Variants in FERRY3 observed in about 807,000 individuals in gnomAD.
FERRY3 encodes the protein FERRY endosomal RAB5 effector complex subunit 3, also known as protein C12orf4.
chr12:4,517,585 T>C, the FERRY3 span, among the ~76,000 whole-genome samples: 97 of 150,706 alleles, frequency 6.4e-4, no homozygotes, highest in Non-Finnish European at 1.1e-3. Context: ...ATATTCTACA[T>C]TTTATATATT....
At chr12:4,506,103 AATT>A in the FERRY3 span, among the ~76,000 whole-genome samples, 4 of 152,154 alleles carry the variant, frequency 2.6e-5, no homozygotes, top group African/African-American at 9.7e-5. Flanking sequence ...ACTGAATGCA[AATT>A]ATTTTACATA....
chr12:4,520,394 G>A, the FERRY3 span, among the ~76,000 whole-genome samples: 1 of 152,184 alleles, frequency 6.6e-6, no homozygotes, highest in African/African-American at 2.4e-5. Flanking sequence ...CCCCAACTAT[G>A]AGCCTAGATT....
the FERRY3 span, among the ~76,000 whole-genome samples, chr12:4,520,267 C>A: frequency 6.6e-6 from 1 of 152,192 alleles, no homozygotes; most frequent in Non-Finnish European, 1.5e-5. Context: ...GACAAGAGAG[C>A]CTTCTCAAGG....
chr12:4,518,352 C>G, the FERRY3 span: 2 of 1,099,246 alleles, frequency 1.8e-6, no homozygotes, highest in Non-Finnish European at 2.6e-6. Context: ...CCAGATAAAT[C>G]TGTACCACAA....
At chr12:4,501,907 C>T in the FERRY3 span, among the ~76,000 whole-genome samples, 1 of 152,292 alleles carries the variant, frequency 6.6e-6, no homozygotes, top group Admixed American at 6.5e-5. Context: ...TCTAGAAGGC[C>T]AAGATGACTT....
chr12:4,517,726 G>C, the FERRY3 span, among the ~76,000 whole-genome samples: 3 of 149,350 alleles, frequency 2.0e-5, no homozygotes, highest in African/African-American at 7.4e-5. Context: ...GAGAGAGAGA[G>C]AGAGAGAGAG....
chr12:4,527,567 G>T, the FERRY3 span, among the ~76,000 whole-genome samples: 2 of 152,040 alleles, frequency 1.3e-5, no homozygotes, highest in Admixed American at 6.5e-5. Flanking sequence ...AATGAAATAA[G>T]AAAATGTGTC....
At chr12:4,525,485 T>TG in the FERRY3 span, 1 of 1,610,850 alleles carries the variant, frequency 6.2e-7, no homozygotes, top group Non-Finnish European at 8.5e-7. Flanking sequence ...TTCACTTACT[T>TG]GCTGGGATTC....
chr12:4,489,408 A>G, the FERRY3 span: 9 of 153,710 alleles, frequency 5.9e-5, no homozygotes, highest in African/African-American at 2.2e-4. Flanking sequence ...AGAAAGTAAA[A>G]GGAAAATTTT....
At chr12:4,495,512 C>A in the FERRY3 span, among the ~76,000 whole-genome samples, 5,521 of 152,196 alleles carry the variant, frequency 0.036, 331 homozygotes, top group African/African-American at 0.12. Flanking sequence ...AGGAGGACAA[C>A]TAATGTGAAC....
At chr12:4,537,888 T>C in the FERRY3 span, among the ~76,000 whole-genome samples, 1 of 152,180 alleles carries the variant, frequency 6.6e-6, no homozygotes, top group Non-Finnish European at 1.5e-5. Flanking sequence ...CCCAGAAGAA[T>C]GCTCATATAA....
the FERRY3 span, chr12:4,490,460 G>T: frequency 1.5e-6 from 2 of 1,329,414 alleles, no homozygotes; most frequent in Non-Finnish European, 1.0e-6. Flanking sequence ...ATGCCTAGCT[G>T]TATCTGTGAG....
the FERRY3 span, chr12:4,489,420 T>A: frequency 6.5e-6 from 1 of 154,332 alleles, no homozygotes; most frequent in Non-Finnish European, 1.4e-5. Context: ...GAAAATTTTG[T>A]TTGTATGTTT....
chr12:4,517,354 A>G, the FERRY3 span, among the ~76,000 whole-genome samples: 3 of 152,090 alleles, frequency 2.0e-5, no homozygotes, highest in Non-Finnish European at 4.4e-5. Flanking sequence ...GGGCACAGCA[A>G]TTTTGTTTTG....
the FERRY3 span, among the ~76,000 whole-genome samples, chr12:4,511,368 C>T: frequency 4.6e-5 from 7 of 152,166 alleles, no homozygotes; most frequent in East Asian, 1.9e-4. Context: ...AGGAACTGAA[C>T]TCAGCTCTGC....
At chr12:4,517,706 T>TATATATAGAGAGAGAGAGAGAGAG in the FERRY3 span, among the ~76,000 whole-genome samples, 3 of 137,724 alleles carry the variant, frequency 2.2e-5, no homozygotes, top group African/African-American at 9.1e-5. Context: ...TATATATATA[T>TATATATAGAGAGAGAGAGAGAGAG]AGACAGAGAG....
the FERRY3 span, among the ~76,000 whole-genome samples, chr12:4,526,934 T>C: frequency 3.3e-5 from 5 of 152,074 alleles, no homozygotes; most frequent in Admixed American, 3.3e-4. Context: ...TACACATATA[T>C]ACATTTCTAT....
At chr12:4,500,103 A>G in the FERRY3 span, 1 of 1,555,730 alleles carries the variant, frequency 6.4e-7, no homozygotes, top group Admixed American at 1.7e-5. Context: ...TGATTATGTA[A>G]ATCATAAAAT....
At chr12:4,532,648 C>T in the FERRY3 span, among the ~76,000 whole-genome samples, 1 of 152,192 alleles carries the variant, frequency 6.6e-6, no homozygotes, top group Admixed American at 6.5e-5. Context: ...ATTTCTCGCT[C>T]AATAATCCCC....
Sources: gnomAD v4.1 joint callset for allele counts (sites outside exome capture counted in the v4.1 genomes callset) on GRCh38, gnomAD v4.1.1 for gene constraint, MANE v1.5 for transcripts, NCBI Gene and HGNC (gene_info 2026-07-23, HGNC 2026-07-21) for gene names.